TRIM2: variants seen among roughly 807,000 people sequenced by gnomAD.
The protein encoded by TRIM2 is tripartite motif containing 2, also known as tripartite motif-containing protein 2.
TRIM2 carries 20 observed loss-of-function variants against 75.2 expected under a neutral mutation model. The observed-to-expected ratio is 0.27, with a 90% CI of 0.19 to 0.39. The LOEUF (loss-of-function observed/expected upper bound fraction) is 0.39, where lower values mean the gene tolerates loss of function less well. Among genes scored for constraint, TRIM2 ranks in the 10% least tolerant of loss-of-function variants. The pLI is 1.00. For synonymous variants in TRIM2, 373 were observed against 388.3 expected (o/e 0.96, Z 0.46); for missense variants, 660 against 990.8 (o/e 0.67, Z 4.48).
chr4:153,237,281 G>T (rs1303894604), intron 1 of TRIM2, among the ~76,000 whole-genome samples: 3 of 152,116 alleles, frequency 2.0e-5, no homozygotes, highest in Admixed American at 2.0e-4. Flanking sequence ...CCACATTGTT[G>T]TAGGCATTTT....
chr4:153,226,538 A>G (rs1742177930), intron 1 of TRIM2, among the ~76,000 whole-genome samples: 1 of 152,238 alleles, frequency 6.6e-6, no homozygotes, highest in Non-Finnish European at 1.5e-5. Context: ...TTAAACTGAC[A>G]TCTCTTCAGT....
chr4:153,157,041 C>A (rs887525861), intron 1 of TRIM2: 6 of 152,302 alleles, frequency 3.9e-5, no homozygotes, highest in African/African-American at 1.4e-4. Context: ...CACTGACAGC[C>A]TTCCAGGGTG....
At chr4:153,154,753 G>A (rs894616679) in intron 1 of TRIM2, among the ~76,000 whole-genome samples, 1 of 152,102 alleles carries the variant, frequency 6.6e-6, no homozygotes, top group African/African-American at 2.4e-5. Context: ...GGACACATAT[G>A]GTCTCTTTAA....
intron 1 of TRIM2, among the ~76,000 whole-genome samples, chr4:153,209,743 T>C (rs946899291): frequency 6.6e-6 from 1 of 152,206 alleles, no homozygotes; most frequent in Admixed American, 6.5e-5. Context: ...TTCCTTAGTG[T>C]GTGGGAGGAA....
intron 1 of TRIM2, among the ~76,000 whole-genome samples, chr4:153,190,182 GT>G (rs1279877056): frequency 6.6e-6 from 1 of 152,090 alleles, no homozygotes; most frequent in Non-Finnish European, 1.5e-5. Flanking sequence ...AATGAAGGGT[GT>G]TTTTCTGCTA....
chr4:153,261,779 G>T (rs528626032), intron 1 of TRIM2, among the ~76,000 whole-genome samples: 1 of 152,128 alleles, frequency 6.6e-6, no homozygotes, highest in Non-Finnish European at 1.5e-5. Flanking sequence ...ATAGTTTTCT[G>T]ATCTAAATGG....
At chr4:153,263,830 AGAGAG>A (rs1242711763) in intron 1 of TRIM2, among the ~76,000 whole-genome samples, 1 of 152,216 alleles carries the variant, frequency 6.6e-6, no homozygotes, top group African/African-American at 2.4e-5. Context: ...CCCACATGGC[AGAGAG>A]CAGACAGAGT....
intron 1 of TRIM2, among the ~76,000 whole-genome samples, chr4:153,264,635 A>G (rs1344905285): frequency 2.0e-5 from 3 of 152,172 alleles, no homozygotes; most frequent in East Asian, 3.8e-4. Context: ...TAGTGCCCCA[A>G]CGCTTTGATT....
chr4:153,292,481 A>T (rs1259327809), intron 3 of TRIM2, among the ~76,000 whole-genome samples: 1 of 152,230 alleles, frequency 6.6e-6, no homozygotes, highest in East Asian at 1.9e-4. Context: ...TTGTAGAGAC[A>T]GAGTCTCGCT....
intron 5 of TRIM2, 145 bp downstream of exon 5, chr4:153,294,630 A>G (rs1762430332): frequency 1.1e-6 from 1 of 898,904 alleles, no homozygotes; most frequent in Non-Finnish European, 1.6e-6. Context: ...ATATCCAGCT[A>G]TTTTTTCCCC....
At position 153,279,469 on chromosome 4, in the gene TRIM2, GA is replaced by G. The variant is rs555202122; in HGVS notation, c.453+3343del. ...AAAGTTAATAATTATTTAATCAATAGAAAATAATAGAAATAATAGAAAATTG... is the reference window on the plus strand; with the variant it reads ...AAAGTTAATAATTATTTAATCAATAGAAATAATAGAAATAATAGAAAATTG... On this transcript the variant is annotated intron_variant, in intron 3 of 11. Coordinates refer to ENST00000338700, the MANE Select transcript of TRIM2 (RefSeq NM_015271.5). Among the ~76,000 whole-genome samples, 247 of 98,000 alleles carry G rather than the reference GA, an allele frequency of 2.5e-3. 2 individuals are homozygous for G. Among genetic ancestry groups the G allele is most frequent in the African/African-American group, 0.014 (228 of 15,898 alleles). 64.3% of individuals were successfully genotyped at this position (98,000 alleles called of 152,430 possible).
Position 153,338,457 on chromosome 4 carries a change from A to G in TRIM2, c.*3491A>G. 1 of 985,766 alleles carries G rather than the reference A, an allele frequency of 1.0e-6. No individual in the cohort carries two copies. The highest frequency in any genetic ancestry group is 1.2e-6 in the Non-Finnish European group (1 of 829,864). The allele number at this position is 985,766 out of a possible 1,614,324, so 61.1% of individuals were successfully genotyped here. A position where few individuals can be genotyped will look rare whatever the true frequency, so the allele number is the denominator to read the frequency against. On this transcript the variant is annotated 3_prime_UTR_variant, in exon 12 of 12. Transcript: ENST00000338700. ...AAAATGAAAGCTATTTCATGCAAAC[A>G]TTATCTAATTTAGCTTAAAAGTGAA...
At position 153,209,908 on chromosome 4, in the gene TRIM2, G is replaced by A. The variant is rs114756144; in HGVS notation, c.30+5348G>A. On this transcript the variant is annotated intron_variant, in intron 1 of 11. Coordinates refer to ENST00000338700, the MANE Select transcript of TRIM2 (RefSeq NM_015271.5). ...CTCCATATGACTTCTCTCACTCTTTGCAGGAGAATAAAATAGAGTTTCAAC... is the reference window on the plus strand; with the variant it reads ...CTCCATATGACTTCTCTCACTCTTTACAGGAGAATAAAATAGAGTTTCAAC... Among the ~76,000 whole-genome samples, 482 of 152,196 alleles carry A rather than the reference G, an allele frequency of 3.2e-3. 4 individuals carry two copies. The highest frequency in any genetic ancestry group is 0.011 in the African/African-American group (458 of 41,508).
intron 1 of TRIM2, among the ~76,000 whole-genome samples, chr4:153,261,298 C>T (rs530813257): frequency 5.7e-4 from 86 of 152,106 alleles, no homozygotes; most frequent in Non-Finnish European, 1.2e-3. Context: ...TGGGGTACAC[C>T]TGTAATCCTA....
intron 1 of TRIM2, among the ~76,000 whole-genome samples, chr4:153,266,161 A>G (rs1754998393): frequency 6.6e-6 from 1 of 151,900 alleles, no homozygotes; most frequent in Non-Finnish European, 1.5e-5. Context: ...TCTATATGTT[A>G]TTTTATTTTA....
chr4:153,234,527 G>A (rs1021599547), intron 1 of TRIM2, among the ~76,000 whole-genome samples: 2 of 152,136 alleles, frequency 1.3e-5, no homozygotes, highest in African/African-American at 4.8e-5. Context: ...TTTCTGCTGC[G>A]GATCTCAGTC....
At chr4:153,210,903 T>C (rs1736806393) in intron 1 of TRIM2, among the ~76,000 whole-genome samples, 1 of 152,036 alleles carries the variant, frequency 6.6e-6, no homozygotes, top group African/African-American at 2.4e-5. Context: ...AGTGACAAGA[T>C]CTGAAAAAAG....
intron 4 of TRIM2, 135 bp downstream of exon 4, chr4:153,293,268 A>G: frequency 1.1e-6 from 1 of 929,882 alleles, no homozygotes; most frequent in Non-Finnish European, 1.5e-6. Context: ...AAGTTCTTTT[A>G]TCATGGATTT....
intron 1 of TRIM2, chr4:153,257,854 T>G: frequency 2.9e-6 from 1 of 341,724 alleles, no homozygotes; most frequent in Non-Finnish European, 5.8e-6. Context: ...TCTCCCTTCA[T>G]CTCTCATGGT....
Sources: gnomAD v4.1 joint callset for allele counts (sites outside exome capture counted in the v4.1 genomes callset) on GRCh38, gnomAD v4.1.1 for gene constraint, MANE v1.5 for transcripts, NCBI Gene and HGNC (gene_info 2026-07-23, HGNC 2026-07-21) for gene names.